TMEM154: variants seen among roughly 807,000 people sequenced by gnomAD.
TMEM154 encodes transmembrane protein 154.
A neutral mutation model predicts 24.5 loss-of-function variants in TMEM154; 27 were observed. That is an observed-to-expected ratio of 1.10 (90% CI 0.81 to 1.52). TMEM154 has a LOEUF of 1.52. Ranked by LOEUF, TMEM154 falls within the 40% of genes most tolerant of loss-of-function variation. The pLI is 0.00. For missense variants in TMEM154, 228 were observed against 213.4 expected, an observed-to-expected ratio of 1.07 and a Z score of -0.43; for synonymous variants, 67 against 76.8, an observed-to-expected ratio of 0.87 and a Z score of 0.67.
rs1315156664 is a variant in TMEM154 at position 152,622,213 on chromosome 4, T to C, written c.*6333A>G. ...TTGTAAGGAAGAATAAAGACAAGAA[T>C]GTGTAATAATATATTTTAGATATGC... is the stretch of plus-strand genomic sequence containing the variant. On this transcript the variant is annotated 3_prime_UTR_variant, in exon 7 of 7. Transcript: ENST00000304385. 16 of 152,240 alleles carry C rather than the reference T, an allele frequency of 1.1e-4. No homozygotes were observed. The highest frequency in any genetic ancestry group is 4.4e-5 in the Non-Finnish European group (3 of 68,046). The allele number at this position is 152,240 out of a possible 1,614,324, so 9.4% of individuals were successfully genotyped here.
chr4:152,648,095 T>C (rs1228766446), intron 3 of TMEM154, among the ~76,000 whole-genome samples: 2 of 152,230 alleles, frequency 1.3e-5, no homozygotes, highest in Non-Finnish European at 2.9e-5. Flanking sequence ...ATGTGAATAC[T>C]GTGAACAAAG....
intron 1 of TMEM154, among the ~76,000 whole-genome samples, chr4:152,673,270 T>TC (rs1728883624): frequency 6.6e-6 from 1 of 152,124 alleles, no homozygotes; most frequent in Non-Finnish European, 1.5e-5. Flanking sequence ...CTTTTTTTTT[T>TC]CCCACCCCGC....
chr4:152,630,959 T>G (rs1015084029), intron 6 of TMEM154, among the ~76,000 whole-genome samples: 3 of 152,218 alleles, frequency 2.0e-5, no homozygotes, highest in Non-Finnish European at 4.4e-5. Context: ...CTACATAGCT[T>G]TCCATTGTCT....
At chr4:152,671,505 TG>T (rs1374668824) in intron 1 of TMEM154, among the ~76,000 whole-genome samples, 2 of 151,934 alleles carry the variant, frequency 1.3e-5, no homozygotes, top group East Asian at 3.9e-4. Flanking sequence ...CCCAGCACTT[TG>T]GGAGGCCGAG....
At chr4:152,646,889 G>T in intron 3 of TMEM154, 1 of 700,488 alleles carries the variant, frequency 1.4e-6, no homozygotes, top group Admixed American at 2.0e-5. Flanking sequence ...GCATCATGTA[G>T]CCACAGCCTG....
intron 6 of TMEM154, among the ~76,000 whole-genome samples, chr4:152,639,255 A>G (rs1293712634): frequency 1.3e-5 from 2 of 152,128 alleles, no homozygotes; most frequent in Non-Finnish European, 2.9e-5. Context: ...CTGGCCAAAA[A>G]TCTGATTTTT....
At chr4:152,669,620 G>A (rs1728786982) in intron 1 of TMEM154, 1 of 152,122 alleles carries the variant, frequency 6.6e-6, no homozygotes, top group Non-Finnish European at 1.5e-5. Context: ...AAACAAATAA[G>A]CAAACAAGTA....
At position 152,679,971 on chromosome 4, in the gene TMEM154, C is replaced by T; in HGVS notation, c.-38G>A. 6.4e-7 allele frequency: 1 copy of T among 1,573,476 alleles called. No individual in the cohort carries two copies. The highest frequency in any genetic ancestry group is 8.7e-7 in the Non-Finnish European group (1 of 1,154,624). On this transcript the variant is annotated 5_prime_UTR_variant, in exon 1 of 7. Coordinates refer to ENST00000304385, the MANE Select transcript of TMEM154 (RefSeq NM_152680.3). ...CGGCAGAGGCGCGCTCAGGATGCTG[C>T]GCCGGGCTGCAGCCTCTCTGAAACG...
intron 1 of TMEM154, among the ~76,000 whole-genome samples, chr4:152,665,195 G>T (rs1340295570): frequency 6.6e-6 from 1 of 152,192 alleles, no homozygotes; most frequent in Non-Finnish European, 1.5e-5. Flanking sequence ...GGGTAATCGA[G>T]CAAGACCCTG....
At chr4:152,679,526 T>C (rs1418631282) in intron 1 of TMEM154, among the ~76,000 whole-genome samples, 1 of 88,198 alleles carries the variant, frequency 1.1e-5, no homozygotes, top group Non-Finnish European at 2.9e-5. Flanking sequence ...TTCAGCCAAT[T>C]GAAGCTTTTG....
Position 152,652,875 on chromosome 4 carries a change from T to C in TMEM154, c.117A>G (p.Arg39=), listed in dbSNP as rs1401036311. ...NSGDTTVESE[R]PNKVTIPSTF... is the part of the protein sequence containing the mutation. ...TGCTTGGAATAGTCACTTTATTTGG[T>C]CTTTCAGATTCCACAGTTGTATCTC... is the stretch of plus-strand genomic sequence containing the variant. The change falls in exon 2 of 7, where the codon AGA becomes AGG. Residue 39 remains arginine, a synonymous_variant. Coordinates refer to ENST00000304385, the MANE Select transcript of TMEM154 (RefSeq NM_152680.3). The C allele has an allele frequency of 5.9e-5, 95 of 1,613,566 alleles. No individual in the cohort carries two copies. The highest frequency in any genetic ancestry group is 7.8e-5 in the Non-Finnish European group (92 of 1,179,828).
At chr4:152,668,727 A>C (rs1488428617) in intron 1 of TMEM154, 3 of 152,416 alleles carry the variant, frequency 2.0e-5, no homozygotes, top group Non-Finnish European at 4.4e-5. Flanking sequence ...GGTCGCCACC[A>C]AGAGTGAAGG....
At chr4:152,661,054 A>T (rs1054829402) in intron 1 of TMEM154, among the ~76,000 whole-genome samples, 1 of 152,206 alleles carries the variant, frequency 6.6e-6, no homozygotes, top group African/African-American at 2.4e-5. Context: ...AGAGAAACGG[A>T]AAGAAGCATA....
intron 1 of TMEM154, among the ~76,000 whole-genome samples, chr4:152,670,940 TGG>T (rs1317065664): frequency 6.6e-6 from 1 of 152,158 alleles, no homozygotes; most frequent in Non-Finnish European, 1.5e-5. Context: ...GTAGGGACGA[TGG>T]CATGCAAATC....
rs985549224 is a variant in TMEM154 at position 152,627,269 on chromosome 4, T to TCC, written c.*1275_*1276dup. The TCC allele has an allele frequency of 6.6e-5, 10 of 152,218 alleles. No individual in the cohort carries two copies. Among genetic ancestry groups the TCC allele is most frequent in the African/African-American group, 2.4e-4 (10 of 41,456 alleles). 9.4% of individuals were successfully genotyped at this position (152,218 alleles called of 1,614,324 possible). On this transcript the variant is annotated 3_prime_UTR_variant, in exon 7 of 7. Transcript: ENST00000304385. ...AATTGAGCAGCAAATGTTTGGGTAG[T>TCC]CCCATCTCCCTTCGGTTTATATGTG...
At chr4:152,659,877 T>C (rs757996100) in intron 1 of TMEM154, among the ~76,000 whole-genome samples, 2 of 152,184 alleles carry the variant, frequency 1.3e-5, no homozygotes, top group Non-Finnish European at 2.9e-5. Flanking sequence ...GAATAACTAG[T>C]AATAAAATAG....
chr4:152,621,817 G>T lies in TMEM154; in HGVS notation c.*6729C>A, dbSNP rs888782891. On this transcript the variant is annotated 3_prime_UTR_variant, in exon 7 of 7. Transcript: ENST00000304385. ...CTTGTGGATTTTTCCATTTTTACTAGAATTTTTTTTTTTTTTGAGATGGAG... is the reference window on the plus strand; with the variant it reads ...CTTGTGGATTTTTCCATTTTTACTATAATTTTTTTTTTTTTTGAGATGGAG... The T allele has an allele frequency of 1.3e-5, 2 of 151,524 alleles. No homozygotes were observed. Among genetic ancestry groups the T allele is most frequent in the African/African-American group, 2.4e-5 (1 of 41,264 alleles). 9.4% of individuals were successfully genotyped at this position (151,524 alleles called of 1,614,324 possible).
intron 6 of TMEM154, among the ~76,000 whole-genome samples, chr4:152,638,057 A>G (rs1311731341): frequency 6.6e-6 from 1 of 152,216 alleles, no homozygotes; most frequent in Non-Finnish European, 1.5e-5. Flanking sequence ...TGAGCCCAAA[A>G]GTTTGAAAGC....
chr4:152,675,966 C>T (rs904589418), intron 1 of TMEM154, among the ~76,000 whole-genome samples: 2 of 152,150 alleles, frequency 1.3e-5, no homozygotes, highest in Non-Finnish European at 2.9e-5. Flanking sequence ...GGGGGAGTCC[C>T]TTAGAGTATT....
Sources: gnomAD v4.1 joint callset for allele counts (sites outside exome capture counted in the v4.1 genomes callset) on GRCh38, gnomAD v4.1.1 for gene constraint, MANE v1.5 for transcripts, NCBI Gene and HGNC (gene_info 2026-07-23, HGNC 2026-07-21) for gene names.